The following EPHA4 variants were observed in gnomAD, a reference collection of about 807,000 sequenced individuals.
EPHA4 encodes the protein EPH receptor A4, also known as ephrin type-A receptor 4.
A neutral mutation model predicts 108.3 loss-of-function variants in EPHA4; 19 were observed. That is an observed-to-expected ratio of 0.18 (90% confidence interval 0.12 to 0.26). The LOEUF (loss-of-function observed/expected upper bound fraction) is 0.26, where lower values mean the gene tolerates loss of function less well. Ranked by LOEUF, EPHA4 falls within the 10% of genes least tolerant of loss-of-function variation. The probability of loss-of-function intolerance (pLI) is 1.00; values close to 1 mark genes in which losing one functional copy is unlikely to be tolerated. For synonymous variants in EPHA4, 449 were observed against 455.5 expected (o/e 0.99, Z 0.18); for missense variants, 917 against 1,254.0 (o/e 0.73, Z 4.06).
intron 3 of EPHA4, among the ~76,000 whole-genome samples, chr2:221,526,100 CTT>C (rs1274267215): frequency 2.3e-4 from 35 of 152,108 alleles, no homozygotes; most frequent in Non-Finnish European, 4.4e-5. Context: ...ATAAGACACT[CTT>C]ATGAATAAGG....
Position 221,425,684 on chromosome 2 carries a change from A to T in EPHA4, c.*344T>A. 4.9e-6 allele frequency: 1 copy of T among 205,062 alleles called. No homozygotes were observed. The highest frequency in any genetic ancestry group is 9.8e-6 in the Non-Finnish European group (1 of 101,944). 12.7% of individuals were successfully genotyped at this position (205,062 alleles called of 1,614,324 possible). On this transcript the variant is annotated 3_prime_UTR_variant, in exon 17 of 18. Transcript: ENST00000281821. ...TGTAATTCCAAATGGAGAGAGAATC[A>T]GGGATGTCTCAGAAGCTCAGTGTCT...
At position 221,425,992 on chromosome 2, in the gene EPHA4, C is replaced by T; in HGVS notation, c.*36G>A. On this transcript the variant is annotated 3_prime_UTR_variant, in exon 17 of 18. Transcript: ENST00000281821. ...AATTAAAGTGCATGGATGAGGTAAA[C>T]TAATTTCAAGAGTTTTGAGTTTATT... 1.3e-6 allele frequency: 2 copies of T among 1,572,414 alleles called. No homozygotes were observed. Among genetic ancestry groups the T allele is most frequent in the Non-Finnish European group, 8.8e-7 (1 of 1,142,730 alleles).
intron 3 of EPHA4, among the ~76,000 whole-genome samples, chr2:221,557,839 C>G (rs1015205866): frequency 1.3e-5 from 2 of 152,084 alleles, no homozygotes; most frequent in Admixed American, 1.3e-4. Flanking sequence ...CCTAATGCTC[C>G]CCCCACTGAC....
chr2:221,436,302 A>G (rs1234042179), intron 13 of EPHA4, 97 bp downstream of exon 13: 5 of 1,199,548 alleles, frequency 4.2e-6, no homozygotes, highest in Non-Finnish European at 5.8e-6. Context: ...GAGAAAACTT[A>G]AAAAATAAAA....
At chr2:221,538,006 A>G (rs1001036298) in intron 3 of EPHA4, among the ~76,000 whole-genome samples, 23 of 152,238 alleles carry the variant, frequency 1.5e-4, no homozygotes, top group Admixed American at 3.9e-4. Flanking sequence ...CTAAAAAAAA[A>G]GGGGGGGTTA....
rs201915240 is a variant in EPHA4 at position 221,515,962 on chromosome 2, A to G, written c.824-14790T>C. On this transcript the variant is annotated intron_variant, in intron 3 of 17. Transcript: ENST00000281821. ...CTAAAGAGGCTCAGATTTGAAGGGAAAAAAAAAAAAAAAGATGAAGTCATA... is the reference window on the plus strand; with the variant it reads ...CTAAAGAGGCTCAGATTTGAAGGGAGAAAAAAAAAAAAAGATGAAGTCATA... Among the ~76,000 whole-genome samples the G allele has an allele frequency of 1.8e-3, 262 of 147,546 alleles. 2 individuals are homozygous for G. The highest frequency in any genetic ancestry group is 9.6e-3 in the East Asian group (49 of 5,126).
chr2:221,442,989 C>T lies in EPHA4; in HGVS notation c.1914G>A (p.Gly638=). The T allele has an allele frequency of 6.2e-7, 1 of 1,614,118 alleles. No individual in the cohort carries two copies. Among genetic ancestry groups the T allele is most frequent in the Non-Finnish European group, 8.5e-7 (1 of 1,180,018 alleles). The part of the protein sequence containing the change: ...GVGEFGEVCS[G]RLKVPGKREI... ...CTCTCTTGCCAGGCACTTTGAGACG[C>T]CCACTGCATACCTCACCAAATTCAC... Residue 638 remains glycine, a synonymous_variant, in exon 11 of 18, where the codon GGG becomes GGA. Coordinates refer to ENST00000281821, the MANE Select transcript of EPHA4 (RefSeq NM_004438.5).
At chr2:221,465,713 G>A (rs771034481) in intron 5 of EPHA4, among the ~76,000 whole-genome samples, 1 of 152,116 alleles carries the variant, frequency 6.6e-6, no homozygotes, top group Admixed American at 6.5e-5. Context: ...ACAAGCCAGA[G>A]GGAGGTTAAT....
chr2:221,529,700 T>C (rs1475367294), intron 3 of EPHA4, among the ~76,000 whole-genome samples: 1 of 152,204 alleles, frequency 6.6e-6, no homozygotes, highest in Non-Finnish European at 1.5e-5. Flanking sequence ...TTGCTCACTG[T>C]AGTAGCTTTA....
At chr2:221,453,769 G>A (rs1690858423) in intron 8 of EPHA4, among the ~76,000 whole-genome samples, 1 of 152,186 alleles carries the variant, frequency 6.6e-6, no homozygotes, top group Admixed American at 6.5e-5. Context: ...TGAACACGGT[G>A]TAAAACAGAT....
chr2:221,554,313 T>G (rs533577608), intron 3 of EPHA4, among the ~76,000 whole-genome samples: 2 of 152,332 alleles, frequency 1.3e-5, no homozygotes, highest in Admixed American at 1.3e-4. Context: ...TTTACTTAAT[T>G]AGACTGCAAC....
intron 3 of EPHA4, among the ~76,000 whole-genome samples, chr2:221,515,441 T>C (rs565760236): frequency 6.6e-5 from 10 of 152,356 alleles, no homozygotes; most frequent in African/African-American, 2.4e-4. Flanking sequence ...CATTATTAAT[T>C]AGTCTTCTTT....
chr2:221,464,121 G>A (rs1413307047), intron 5 of EPHA4, among the ~76,000 whole-genome samples: 2 of 152,154 alleles, frequency 1.3e-5, no homozygotes, highest in South Asian at 2.1e-4. Context: ...GTGTTTGCAG[G>A]AGAGATGGCT....
intron 3 of EPHA4, among the ~76,000 whole-genome samples, chr2:221,552,181 C>A (rs564797497): frequency 3.3e-5 from 5 of 152,244 alleles, no homozygotes; most frequent in African/African-American, 1.2e-4. Flanking sequence ...AAAAAATAAA[C>A]AAGCCTATCA....
chr2:221,549,525 G>A (rs946533452), intron 3 of EPHA4, among the ~76,000 whole-genome samples: 3 of 152,294 alleles, frequency 2.0e-5, no homozygotes, highest in Admixed American at 6.5e-5. Context: ...CATTCACTCT[G>A]CAGTGAAAAG....
At chr2:221,523,055 G>A (rs1313222629) in intron 3 of EPHA4, among the ~76,000 whole-genome samples, 2 of 151,992 alleles carry the variant, frequency 1.3e-5, no homozygotes, top group South Asian at 2.1e-4. Context: ...GAGCCACCAC[G>A]CCCAGCCAAA....
chr2:221,422,285 G>A (rs1404153320), intron 17 of EPHA4, among the ~76,000 whole-genome samples: 1 of 152,158 alleles, frequency 6.6e-6, no homozygotes, highest in African/African-American at 2.4e-5. Context: ...AGGTGGGCAG[G>A]TATTTATGTG....
At chr2:221,467,241 T>C (rs1691340140) in intron 5 of EPHA4, among the ~76,000 whole-genome samples, 1 of 152,260 alleles carries the variant, frequency 6.6e-6, no homozygotes, top group Admixed American at 6.5e-5. Flanking sequence ...TCTATTGTTC[T>C]GTTCCTTGGC....
chr2:221,463,310 T>C (rs1219420266), intron 5 of EPHA4, among the ~76,000 whole-genome samples: 2 of 152,180 alleles, frequency 1.3e-5, no homozygotes, highest in Non-Finnish European at 2.9e-5. Flanking sequence ...ATCTGAGCTT[T>C]CCAATAGAGG....
Sources: gnomAD v4.1 joint callset for allele counts (sites outside exome capture counted in the v4.1 genomes callset) on GRCh38, gnomAD v4.1.1 for gene constraint, MANE v1.5 for transcripts, NCBI Gene and HGNC (gene_info 2026-07-23, HGNC 2026-07-21) for gene names.